The following APEX2 variants were observed in gnomAD, a reference collection of about 807,000 sequenced individuals.
APEX2 encodes the protein apurinic/apyrimidinic endodeoxyribonuclease 2, also known as DNA-(apurinic or apyrimidinic site) endonuclease 2.
A neutral mutation model predicts 16.7 loss-of-function variants in APEX2; 4 were observed. The ratio of observed to expected loss-of-function variants is 0.24; its 90% CI spans 0.12 to 0.55. The LOEUF (loss-of-function observed/expected upper bound fraction) is 0.55. APEX2 is among the 20% of genes least tolerant of loss of function. The pLI is 0.94. For missense variants in APEX2, 357 were observed against 433.6 expected (o/e 0.82, Z 1.57); for synonymous variants, 181 against 166.9 (o/e 1.08, Z -0.65).
At position 55,007,225 on chromosome X, in the gene APEX2, G is replaced by C; in HGVS notation, c.1347G>C (p.Lys449Asn). The C allele has an allele frequency of 8.2e-7, 1 of 1,212,208 alleles. No individual in the cohort carries two copies. Among genetic ancestry groups the C allele is most frequent in the South Asian group, 1.8e-5 (1 of 57,002 alleles). ...AGACTTCAGAAGCCAAAGATGAGAAGGAGTTACGGACCTCATTCTGGAAGT... is the reference window on the plus strand; with the variant it reads ...AGACTTCAGAAGCCAAAGATGAGAACGAGTTACGGACCTCATTCTGGAAGT... ...QAKTSEAKDE[K>N]ELRTSFWKSV... Residue 449 changes from lysine (K) to asparagine (N), a missense_variant, in exon 6 of 6, where the codon AAG becomes AAC. Transcript: ENST00000374987.
rs1935527149 is a variant in APEX2, at chrX:55,007,710, A to G, written c.*275A>G. The G allele has an allele frequency of 9.9e-6, 3 of 302,125 alleles. No homozygotes were observed. The Admixed American group carries it at 1.6e-4, about 17-fold the overall frequency. The allele number at this position is 302,125 out of a possible 1,213,427, so 24.9% of individuals were successfully genotyped here. A position where few individuals can be genotyped will look rare whatever the true frequency, so the allele number is the denominator to read the frequency against. On this transcript the variant is annotated 3_prime_UTR_variant, in exon 6 of 6. Transcript: ENST00000374987. ...GCCCCAGGAAGTTGTGTGATTTTAA[A>G]TCACTTCTGTCTTTGCTGGAAAGTG...
intron 5 of APEX2, 63 bp from the exon 6 acceptor site, chrX:55,006,455 C>G: frequency 1.0e-6 from 1 of 969,665 alleles, no homozygotes; most frequent in Non-Finnish European, 1.3e-6. Flanking sequence ...GTCTAAGTCC[C>G]TTCCAGTTCT....
rs1488965343 is a variant in APEX2, at chrX:55,000,586, G to T, written c.157+7G>T. On this transcript the variant is annotated splice_region_variant and intron_variant, in intron 1 of 5. Transcript: ENST00000374987. ...CAGGAAACCAAAGTGACCAGTGAGC[G>T]CTCTGGATTCCAGGATCCCTACATA... 2 of 1,197,968 alleles carry T rather than the reference G, an allele frequency of 1.7e-6. No homozygotes were observed. Among genetic ancestry groups the T allele is most frequent in the Non-Finnish European group, 1.1e-6 (1 of 889,387 alleles).
At chrX:55,002,479 TTGAG>T in intron 3 of APEX2, 48 bp downstream of exon 3, 1 of 1,114,418 alleles carries the variant, frequency 9.0e-7, no homozygotes, top group Non-Finnish European at 1.2e-6. Flanking sequence ...GTGCTACTCT[TTGAG>T]TGTGAAGATT....
Position 55,002,260 on chromosome X carries a change from C to T in APEX2, c.251C>T (p.Thr84Ile). The change falls in exon 3 of 6, where the codon ACC becomes ATC. Residue 84 changes from threonine (T) to isoleucine (I), a missense_variant. Physicochemically the swap from Thr to Ile is moderately conservative, Grantham distance 89. Coordinates refer to ENST00000374987, the MANE Select transcript of APEX2 (RefSeq NM_014481.4). ...RNRSGYSGVA[T>I]FCKDNATPVA... ...CCCTGTCTGTTCCCAGGTGTAGCCA[C>T]CTTCTGTAAGGACAATGCTACCCCA... is the stretch of plus-strand genomic sequence containing the variant. 2 of 1,195,743 alleles carry T rather than the reference C, an allele frequency of 1.7e-6. No homozygotes were observed. Among genetic ancestry groups the T allele is most frequent in the South Asian group, 1.9e-5 (1 of 53,363 alleles).
chrX:55,008,994 CCACTTGTCTGAGGGAGTCAGAATG>C lies in APEX2; in HGVS notation c.*1570_*1593del. The C allele has an allele frequency of 3.9e-6, 2 of 515,148 alleles. No homozygotes were observed. 42.5% of individuals were successfully genotyped at this position (515,148 alleles called of 1,213,427 possible). ...GACCTATGGTTACCTCATAGATCTG[CCACTTGTCTGAGGGAGTCAGAATG>C]CACTTGTCTGTTCCCTGTCCAATAA... On this transcript the variant is annotated 3_prime_UTR_variant, in exon 6 of 6. Transcript: ENST00000374987.
At chrX:55,002,560 G>T in intron 3 of APEX2, 129 bp downstream of exon 3, 1 of 815,840 alleles carries the variant, frequency 1.2e-6, no homozygotes. Context: ...TCCTGGTTTA[G>T]TCCTGGCTGG....
At position 55,007,135 on chromosome X, in the gene APEX2, C is replaced by T. The variant is rs370675542; in HGVS notation, c.1257C>T (p.Ser419=). ...AGCTGCCTAGCCTACCACTGATGAG[C>T]GCCCTCATGACCCCGAAGACTCCAG... ...DIELPSLPLM[S]ALMTPKTPEE... Residue 419 remains serine, a synonymous_variant, in exon 6 of 6, where the codon AGC becomes AGT. Transcript: ENST00000374987. 1.7e-5 allele frequency: 20 copies of T among 1,210,114 alleles called. No individual in the cohort carries two copies. Among genetic ancestry groups the T allele is most frequent in the South Asian group, 7.0e-5 (4 of 56,785 alleles).
intron 4 of APEX2, among the ~76,000 whole-genome samples, chrX:55,003,380 C>G (rs959609864): frequency 8.9e-6 from 1 of 112,501 alleles, no homozygotes; most frequent in Non-Finnish European, 1.9e-5. Context: ...ATATATGAAT[C>G]TCTACCCTAC....
rs746908443 is a variant in APEX2 at position 55,002,247 on chromosome X, C to T, written c.242-4C>T. ...TCTGCTCAGAGTGCCCTGTCTGTTC[C>T]CAGGTGTAGCCACCTTCTGTAAGGA... is the stretch of plus-strand genomic sequence containing the variant. On this transcript the variant is annotated splice_polypyrimidine_tract_variant and splice_region_variant and intron_variant, in intron 2 of 5. Coordinates refer to ENST00000374987, the MANE Select transcript of APEX2 (RefSeq NM_014481.4). The T allele has an allele frequency of 4.2e-6, 5 of 1,186,594 alleles. No homozygotes were observed. Among genetic ancestry groups the T allele is most frequent in the Non-Finnish European group, 5.7e-6 (5 of 884,682 alleles).
At chrX:55,001,285 T>C (rs770122325) in intron 1 of APEX2, among the ~76,000 whole-genome samples, 122 of 110,338 alleles carry the variant, frequency 1.1e-3, no homozygotes, top group African/African-American at 3.8e-3. Context: ...TCTGATTCTT[T>C]CCCCTTCCCA....
intron 5 of APEX2, among the ~76,000 whole-genome samples, chrX:55,006,004 A>G (rs1935493418): frequency 9.3e-6 from 1 of 108,018 alleles, no homozygotes; most frequent in Non-Finnish European, 1.9e-5. Flanking sequence ...TGGATGATGG[A>G]TTGGGGATCA....
intron 5 of APEX2, among the ~76,000 whole-genome samples, chrX:55,006,167 C>G (rs1283560014): frequency 9.2e-6 from 1 of 108,573 alleles, no homozygotes; most frequent in East Asian, 2.9e-4. Flanking sequence ...TTAACCCCAG[C>G]CCTGCTTCCT....
Position 55,000,437 on chromosome X carries a change from G to A in APEX2, c.15G>A (p.Val5=). 4.2e-6 allele frequency: 5 copies of A among 1,193,937 alleles called. No individual in the cohort carries two copies. Among genetic ancestry groups the A allele is most frequent in the Non-Finnish European group, 3.4e-6 (3 of 886,175 alleles). Residue 5 remains valine, a synonymous_variant, in exon 1 of 6, where the codon GTG becomes GTA. Coordinates refer to ENST00000374987, the MANE Select transcript of APEX2 (RefSeq NM_014481.4). ...AGCCCTTTAAGATGTTGCGCGTGGTGAGCTGGAACATCAATGGGATTCGGA... is the reference window on the plus strand; with the variant it reads ...AGCCCTTTAAGATGTTGCGCGTGGTAAGCTGGAACATCAATGGGATTCGGA... The part of the protein sequence containing the change: MLRV[V]SWNINGIRRP...
At position 55,006,858 on chromosome X, in the gene APEX2, G is replaced by A. The variant is rs746072761; in HGVS notation, c.980G>A (p.Arg327His). The change falls in exon 6 of 6, where the codon CGC becomes CAC. Residue 327 changes from arginine to histidine, a missense_variant. Transcript: ENST00000374987. Reference sequence around the variant, plus strand: ...AAACAGTGCCCACCTCTGTGCACCCGCTTCCTCCCTGAGTTTGCAGGCACC... The same window carrying A: ...AAACAGTGCCCACCTCTGTGCACCCACTTCCTCCCTGAGTTTGCAGGCACC... Reference protein sequence around the residue: ...PAKQCPPLCTRFLPEFAGTQL... With the variant: ...PAKQCPPLCTHFLPEFAGTQL... 4 of 1,211,707 alleles carry A rather than the reference G, an allele frequency of 3.3e-6. No homozygotes were observed. The highest frequency in any genetic ancestry group is 1.8e-5 in the South Asian group (1 of 56,959).
chrX:55,001,756 A>G (rs1490703854), intron 2 of APEX2, 127 bp downstream of exon 2: 1 of 505,744 alleles, frequency 2.0e-6, no homozygotes, highest in Non-Finnish European at 3.0e-6. Context: ...AAGCTGCATA[A>G]TAGTAAATTA....
rs888992079 is a variant in APEX2, at chrX:55,003,221, A to T, written c.569+113A>T. 9 of 951,558 alleles carry T rather than the reference A, an allele frequency of 9.5e-6. No homozygotes were observed. The African/African-American group carries it at 1.6e-4, about 17-fold the overall frequency. 78.4% of individuals were successfully genotyped at this position (951,558 alleles called of 1,213,427 possible). The stretch of plus-strand genomic sequence containing the variant: ...CTTTGTCTCTGAGTTCTTTCACAGC[A>T]TAGTTGCAAACACCAATATGCCCAC... On this transcript the variant is annotated intron_variant, in intron 4 of 5. Transcript: ENST00000374987.
intron 5 of APEX2, among the ~76,000 whole-genome samples, chrX:55,005,537 C>T (rs1334917883): frequency 8.9e-6 from 1 of 111,980 alleles, no homozygotes; most frequent in Non-Finnish European, 1.9e-5. Context: ...TATTGTCTTT[C>T]TTTCTTACTC....
At chrX:55,003,993 T>C in intron 5 of APEX2, 125 bp downstream of exon 5, 1 of 594,127 alleles carries the variant, frequency 1.7e-6, no homozygotes, top group South Asian at 2.7e-5. Context: ...CTTGCAATAC[T>C]ATTCTTATAG....
Sources: gnomAD v4.1 joint callset for allele counts (sites outside exome capture counted in the v4.1 genomes callset) on GRCh38, gnomAD v4.1.1 for gene constraint, MANE v1.5 for transcripts, NCBI Gene and HGNC (gene_info 2026-07-23, HGNC 2026-07-21) for gene names.